Variants in WDFY4 observed in about 807,000 individuals in gnomAD.
WDFY4 encodes WD repeat- and FYVE domain-containing protein 4.
In WDFY4, 169 loss-of-function variants were observed where a neutral mutation model predicts 351.9. The ratio of observed to expected loss-of-function variants is 0.48; its 90% CI spans 0.42 to 0.55. The LOEUF (loss-of-function observed/expected upper bound fraction) is 0.55. Among genes scored for constraint, WDFY4 ranks in the 20% least tolerant of loss-of-function variants. The probability of loss-of-function intolerance (pLI) is 0.00; values close to 1 mark genes in which losing one functional copy is unlikely to be tolerated. For missense variants in WDFY4, 3,803 were observed against 3,935.6 expected, an observed-to-expected ratio of 0.97 and a Z score of 0.90; for synonymous variants, 1,622 against 1,574.6, an observed-to-expected ratio of 1.03 and a Z score of -0.71.
At chr10:48,767,707 GC>G (rs1175929691) in intron 13 of WDFY4, among the ~76,000 whole-genome samples, 6 of 152,332 alleles carry the variant, frequency 3.9e-5, no homozygotes, top group African/African-American at 1.4e-4. Context: ...TGAGGCCTGT[GC>G]CATGTCTGAA....
intron 61 of WDFY4, among the ~76,000 whole-genome samples, 176 bp from the exon 62 acceptor site, chr10:48,982,333 C>T (rs960069070): frequency 6.6e-6 from 1 of 152,234 alleles, no homozygotes; most frequent in South Asian, 2.1e-4. Context: ...TTCCCCTCCC[C>T]CAGGTGGAAA....
chr10:48,692,663 C>T (rs557938068), intron 1 of WDFY4, among the ~76,000 whole-genome samples: 4 of 152,304 alleles, frequency 2.6e-5, no homozygotes, highest in Admixed American at 6.5e-5. Context: ...GCAGTAGGCA[C>T]TGAGGAAAAT....
intron 56 of WDFY4, among the ~76,000 whole-genome samples, 168 bp downstream of exon 56, chr10:48,969,416 T>A (rs1021799334): frequency 6.6e-6 from 1 of 152,160 alleles, no homozygotes; most frequent in African/African-American, 2.4e-5. Context: ...GCAAAGGCCC[T>A]CCTTGGGCCG....
At chr10:48,946,694 C>T (rs1281362909) in intron 50 of WDFY4, among the ~76,000 whole-genome samples, 166 bp from the exon 51 acceptor site, 4 of 152,216 alleles carry the variant, frequency 2.6e-5, no homozygotes, top group Middle Eastern at 3.2e-3. Context: ...ATTCACGTGC[C>T]GTCTGTGATC....
chr10:48,848,916 C>T (rs1275103293), intron 39 of WDFY4, among the ~76,000 whole-genome samples: 1 of 152,222 alleles, frequency 6.6e-6, no homozygotes, highest in Non-Finnish European at 1.5e-5. Flanking sequence ...ATCCTCTTAG[C>T]CAGCTCTGGT....
intron 40 of WDFY4, among the ~76,000 whole-genome samples, chr10:48,872,283 C>T (rs947094528): frequency 6.6e-6 from 1 of 152,164 alleles, no homozygotes; most frequent in Admixed American, 6.5e-5. Flanking sequence ...AAATAATAGC[C>T]CCTCAGCAAA....
intron 39 of WDFY4, among the ~76,000 whole-genome samples, chr10:48,846,381 C>T (rs575117826): frequency 3.3e-5 from 5 of 152,190 alleles, no homozygotes; most frequent in Admixed American, 6.5e-5. Flanking sequence ...GGCTGTGAGC[C>T]GGTGTGGCCT....
At chr10:48,817,127 T>C (rs2067645977) in intron 31 of WDFY4, 118 bp from the exon 32 acceptor site, 1 of 1,220,390 alleles carries the variant, frequency 8.2e-7, no homozygotes, top group Non-Finnish European at 1.1e-6. Flanking sequence ...CAGTCTTAAA[T>C]AATGTATCTT....
chr10:48,939,645 A>C (rs540549714), intron 47 of WDFY4, among the ~76,000 whole-genome samples: 1 of 152,324 alleles, frequency 6.6e-6, no homozygotes, highest in Non-Finnish European at 1.5e-5. Flanking sequence ...TCAACTAATC[A>C]CCAGTTACCA....
chr10:48,786,819 A>C lies in WDFY4; in HGVS notation c.3757A>C (p.Asn1253His), dbSNP rs748274737. 8.1e-5 allele frequency: 125 copies of C among 1,552,168 alleles called. No homozygotes were observed. The highest frequency in any genetic ancestry group is 1.1e-4 in the Non-Finnish European group (124 of 1,147,118). ...AISMETLEVI[N>H]KLGPRYCGNF... ...TTCAATGGAAACTCTGGAAGTTATTAACAAACTTGGCCCAAGATATTGTGG... is the reference window on the plus strand; with the variant it reads ...TTCAATGGAAACTCTGGAAGTTATTCACAAACTTGGCCCAAGATATTGTGG... The change falls in exon 20 of 62, where the codon AAC becomes CAC. Residue 1253 changes from asparagine to histidine, a missense_variant. Transcript: ENST00000325239.
chr10:48,920,893 AAAT>A (rs1839013344), intron 47 of WDFY4, among the ~76,000 whole-genome samples: 3 of 152,236 alleles, frequency 2.0e-5, no homozygotes, highest in Admixed American at 2.0e-4. Flanking sequence ...GAATTATGAA[AAAT>A]AATAATGCTC....
At chr10:48,867,929 A>G (rs2069611474) in intron 40 of WDFY4, among the ~76,000 whole-genome samples, 1 of 152,248 alleles carries the variant, frequency 6.6e-6, no homozygotes, top group Non-Finnish European at 1.5e-5. Flanking sequence ...TGCAGAGATT[A>G]TGATACTCCT....
At chr10:48,757,421 T>C (rs1335307867) in intron 12 of WDFY4, among the ~76,000 whole-genome samples, 1 of 152,112 alleles carries the variant, frequency 6.6e-6, no homozygotes, top group African/African-American at 2.4e-5. Context: ...TTCCCTGATA[T>C]GAGTAGAATT....
At chr10:48,711,094 T>A (rs1449636742) in intron 2 of WDFY4, among the ~76,000 whole-genome samples, 2 of 152,258 alleles carry the variant, frequency 1.3e-5, no homozygotes, top group African/African-American at 4.8e-5. Flanking sequence ...ATGTTTTCAC[T>A]GCTAAATGCC....
chr10:48,853,345 T>C (rs2069020053), intron 39 of WDFY4, among the ~76,000 whole-genome samples: 1 of 152,238 alleles, frequency 6.6e-6, no homozygotes, highest in Non-Finnish European at 1.5e-5. Context: ...TCACACAAAC[T>C]TGCTCTTATT....
chr10:48,730,015 G>A (rs1211730866), intron 8 of WDFY4, among the ~76,000 whole-genome samples: 2 of 152,220 alleles, frequency 1.3e-5, no homozygotes, highest in Non-Finnish European at 2.9e-5. Context: ...GTGTGAACAG[G>A]CCAGTTGTCT....
chr10:48,778,582 C>T lies in WDFY4; in HGVS notation c.3176-29C>T, dbSNP rs1230733557. On this transcript the variant is annotated intron_variant, in intron 17 of 61. Coordinates refer to ENST00000325239, the MANE Select transcript of WDFY4 (RefSeq NM_001394531.1). Reference sequence around the variant, plus strand: ...GCATGCTCAGCAGGGCAGAACAAAGCCTGAGGGCATGCCTGTGTTCCCACC... The same window carrying T: ...GCATGCTCAGCAGGGCAGAACAAAGTCTGAGGGCATGCCTGTGTTCCCACC... 2.6e-6 allele frequency: 4 copies of T among 1,544,874 alleles called. No homozygotes were observed. In the Admixed American group the frequency reaches 5.9e-5, roughly 23 times the overall value.
chr10:48,786,605 A>G, intron 19 of WDFY4, 34 bp from the exon 20 acceptor site: 1 of 1,491,378 alleles, frequency 6.7e-7, no homozygotes, highest in Non-Finnish European at 9.1e-7. Context: ...CTGAGATCAA[A>G]CACTACTCAC....
intron 60 of WDFY4, among the ~76,000 whole-genome samples, chr10:48,979,114 C>T (rs1303299227): frequency 6.6e-6 from 1 of 152,208 alleles, no homozygotes; most frequent in Admixed American, 6.5e-5. Flanking sequence ...CAAGATAACA[C>T]CTGGGGACCC....
Sources: gnomAD v4.1 joint callset for allele counts (sites outside exome capture counted in the v4.1 genomes callset) on GRCh38, gnomAD v4.1.1 for gene constraint, MANE v1.5 for transcripts, NCBI Gene and HGNC (gene_info 2026-07-23, HGNC 2026-07-21) for gene names.